The following CDH12 variants were observed in gnomAD, a reference collection of about 807,000 sequenced individuals.
The protein encoded by CDH12 is cadherin 12.
CDH12 carries 41 observed loss-of-function variants against 74.1 expected under a neutral mutation model. That is an observed-to-expected ratio of 0.55 (90% CI 0.43 to 0.72). The LOEUF is 0.72. Among genes scored for constraint, CDH12 ranks in the 30% least tolerant of loss-of-function variants. CDH12 has a pLI of 0.00. For synonymous variants in CDH12, 399 were observed against 355.0 expected, an observed-to-expected ratio of 1.12 and a Z score of -1.39; for missense variants, 945 against 977.2, an observed-to-expected ratio of 0.97 and a Z score of 0.44.
chr5:21,814,909 TAAAAGA>T (rs1747959551), intron 9 of CDH12, among the ~76,000 whole-genome samples: 1 of 151,814 alleles, frequency 6.6e-6, no homozygotes, highest in East Asian at 1.9e-4. Context: ...GATTTGGGAC[TAAAAGA>T]AAAAGAGAAA....
chr5:22,580,541 G>T, intron 1 of CDH12: 1 of 473,028 alleles, frequency 2.1e-6, no homozygotes, highest in South Asian at 1.6e-5. Flanking sequence ...TGGTGGCTCA[G>T]AGATGCTCAT....
At chr5:22,391,704 T>C (rs1742256075) in intron 3 of CDH12, among the ~76,000 whole-genome samples, 1 of 152,170 alleles carries the variant, frequency 6.6e-6, no homozygotes, top group South Asian at 2.1e-4. Flanking sequence ...GGTTTTCCTG[T>C]GCAGGTCAGA....
intron 1 of CDH12, among the ~76,000 whole-genome samples, chr5:22,695,480 G>T (rs1580895982): frequency 6.6e-6 from 1 of 152,146 alleles, no homozygotes; most frequent in African/African-American, 2.4e-5. Context: ...ACAATCATCT[G>T]ATCTTCAACA....
intron 4 of CDH12, among the ~76,000 whole-genome samples, chr5:22,100,762 CTA>C (rs1299871486): frequency 6.6e-6 from 1 of 151,820 alleles, no homozygotes; most frequent in Non-Finnish European, 1.5e-5. Context: ...CTGCATTACA[CTA>C]TTGATTTGTT....
intron 3 of CDH12, among the ~76,000 whole-genome samples, chr5:22,276,019 C>G (rs571491544): frequency 6.6e-6 from 1 of 152,028 alleles, no homozygotes; most frequent in African/African-American, 2.4e-5. Flanking sequence ...GTTGGAATTG[C>G]ATAAAAAGTT....
chr5:21,826,124 C>G (rs995117116), intron 8 of CDH12, among the ~76,000 whole-genome samples: 1 of 152,096 alleles, frequency 6.6e-6, no homozygotes, highest in African/African-American at 2.4e-5. Flanking sequence ...CTCCCTTTTG[C>G]TTCATTTACT....
rs75146448 is a variant in CDH12 at position 22,106,585 on chromosome 5, C to T, written c.-186-27723G>A. On this transcript the variant is annotated intron_variant, in intron 4 of 14. Transcript: ENST00000382254. ...ATCAGTCATTTAATACTTTAAAAAC[C>T]CCTCCATTGTTTTTATCATGTGCAT... Among the ~76,000 whole-genome samples, 1,106 of 152,200 alleles carry T rather than the reference C, an allele frequency of 7.3e-3. 27 individuals are homozygous for T. Among genetic ancestry groups the T allele is most frequent in the African/African-American group, 0.025 (1,056 of 41,520 alleles).
chr5:21,878,110 A>G (rs372524532), intron 6 of CDH12, among the ~76,000 whole-genome samples: 7 of 152,354 alleles, frequency 4.6e-5, no homozygotes, highest in Non-Finnish European at 2.9e-5. Context: ...TACACATTAT[A>G]TTGTTTAAAT....
At chr5:22,434,995 C>T (rs932860047) in intron 2 of CDH12, among the ~76,000 whole-genome samples, 1 of 152,214 alleles carries the variant, frequency 6.6e-6, no homozygotes, top group Admixed American at 6.5e-5. Flanking sequence ...GCTGAACTAA[C>T]TTAGTGGGGG....
At chr5:21,920,450 TCTCA>T (rs1754297604) in intron 6 of CDH12, among the ~76,000 whole-genome samples, 1 of 151,716 alleles carries the variant, frequency 6.6e-6, no homozygotes, top group Non-Finnish European at 1.5e-5. Context: ...CAATGCATGC[TCTCA>T]CTGATAAGTG....
At chr5:22,580,149 C>T (rs1740009393) in intron 1 of CDH12, 1 of 268,338 alleles carries the variant, frequency 3.7e-6, no homozygotes, top group African/African-American at 2.2e-5. Flanking sequence ...CTGATGCTTA[C>T]TGACAAGGAA....
chr5:22,105,891 A>G (rs1263508928), intron 4 of CDH12, among the ~76,000 whole-genome samples: 1 of 152,144 alleles, frequency 6.6e-6, no homozygotes, highest in Non-Finnish European at 1.5e-5. Context: ...GGGGAGGTAC[A>G]CAATTAAATG....
At chr5:22,108,884 T>C (rs922865269) in intron 4 of CDH12, among the ~76,000 whole-genome samples, 7 of 152,082 alleles carry the variant, frequency 4.6e-5, no homozygotes, top group African/African-American at 9.7e-5. Flanking sequence ...CATTAGAAAA[T>C]GAAAGCTGTA....
intron 1 of CDH12, among the ~76,000 whole-genome samples, chr5:22,726,332 A>G (rs1744162150): frequency 6.6e-6 from 1 of 151,746 alleles, no homozygotes; most frequent in Admixed American, 6.6e-5. Flanking sequence ...TCACTTAGAA[A>G]TATGCCTTTA....
intron 1 of CDH12, among the ~76,000 whole-genome samples, chr5:22,507,561 A>T (rs1279418864): frequency 6.6e-6 from 1 of 152,186 alleles, no homozygotes; most frequent in Non-Finnish European, 1.5e-5. Flanking sequence ...TGTTATTCTG[A>T]TAACTAATAA....
chr5:21,894,443 C>A (rs1753034427), intron 6 of CDH12, among the ~76,000 whole-genome samples: 1 of 146,552 alleles, frequency 6.8e-6, no homozygotes, highest in South Asian at 2.2e-4. Flanking sequence ...ATTCCCAGGA[C>A]ACTGATTTGA....
intron 3 of CDH12, among the ~76,000 whole-genome samples, chr5:22,218,176 A>G (rs1288307955): frequency 6.6e-6 from 1 of 151,812 alleles, no homozygotes; most frequent in Non-Finnish European, 1.5e-5. Context: ...ACTCTAAAAT[A>G]CATTGTGGTA....
chr5:22,114,179 C>G (rs1364731074), intron 4 of CDH12, among the ~76,000 whole-genome samples: 1 of 152,188 alleles, frequency 6.6e-6, no homozygotes, highest in African/African-American at 2.4e-5. Flanking sequence ...ATTCTACTTC[C>G]TATTATCAGT....
chr5:21,919,559 GCA>G lies in CDH12; in HGVS notation c.526+55530_526+55531del, dbSNP rs1249343807. On this transcript the variant is annotated intron_variant, in intron 6 of 14. Coordinates refer to ENST00000382254, the MANE Select transcript of CDH12 (RefSeq NM_004061.5). ...TTCTCTCAAAAACGTTATTTCCTTT[GCA>G]CAGTCTGTCATTTTCGCAGGCCAAC... Among the ~76,000 whole-genome samples the G allele has an allele frequency of 2.0e-5, 3 of 151,926 alleles. No homozygotes were observed. The East Asian group carries it at 5.8e-4, about 29-fold the overall frequency.
Sources: allele counts gnomAD v4.1 joint callset (sites outside exome capture counted in the v4.1 genomes callset), GRCh38; gene constraint gnomAD v4.1.1; transcripts MANE v1.5; gene names NCBI Gene and HGNC (gene_info 2026-07-23, HGNC 2026-07-21).